Variants in NRXN3 observed in about 807,000 individuals in gnomAD.
NRXN3 encodes the protein neurexin 3.
NRXN3 carries 32 observed loss-of-function variants against 137.6 expected under a neutral mutation model. The ratio of observed to expected loss-of-function variants is 0.23; its 90% CI spans 0.18 to 0.31. The LOEUF (loss-of-function observed/expected upper bound fraction) is 0.31. NRXN3 is among the 10% of genes least tolerant of loss of function. The pLI is 1.00. For missense variants in NRXN3, 1,574 were observed against 2,062.5 expected (o/e 0.76, Z 4.59); for synonymous variants, 798 against 784.5 (o/e 1.02, Z -0.29).
chr14:78,312,791 T>C (rs17107322), intron 4 of NRXN3, among the ~76,000 whole-genome samples: 5 of 152,186 alleles, frequency 3.3e-5, no homozygotes, highest in African/African-American at 9.7e-5. Flanking sequence ...CAGACTGTTT[T>C]GATCACGAGG....
intron 19 of NRXN3, among the ~76,000 whole-genome samples, chr14:79,720,281 A>C (rs543975116): frequency 2.0e-4 from 31 of 152,180 alleles, no homozygotes; most frequent in African/African-American, 7.5e-4. Flanking sequence ...AATATGGGGG[A>C]AACTGTCCCC....
At chr14:78,633,695 G>T (rs1381395180) in intron 4 of NRXN3, among the ~76,000 whole-genome samples, 1 of 152,154 alleles carries the variant, frequency 6.6e-6, no homozygotes, top group Non-Finnish European at 1.5e-5. Flanking sequence ...TTGCACCTCC[G>T]CATTGGCAAA....
intron 15 of NRXN3, among the ~76,000 whole-genome samples, chr14:79,420,555 T>G (rs971183114): frequency 3.3e-5 from 5 of 152,092 alleles, no homozygotes; most frequent in Admixed American, 6.6e-5. Context: ...ACACCATGGT[T>G]GCTAGTAAGG....
At chr14:78,838,043 A>T (rs1441281063) in intron 10 of NRXN3, among the ~76,000 whole-genome samples, 2 of 152,156 alleles carry the variant, frequency 1.3e-5, no homozygotes, top group African/African-American at 4.8e-5. Flanking sequence ...TTGTTATTAG[A>T]TTATCAGCTA....
In NRXN3 at chr14:78,966,341, A is replaced by G; in HGVS notation, c.2712A>G (p.Pro904=). 1 of 1,614,236 alleles carries G rather than the reference A, an allele frequency of 6.2e-7. No homozygotes were observed. Among genetic ancestry groups the G allele is most frequent in the African/African-American group, 1.3e-5 (1 of 75,056 alleles). The change falls in exon 12 of 21, where the codon CCA becomes CCG. Residue 904 remains proline (P), a synonymous_variant. Coordinates refer to ENST00000335750, the MANE Select transcript of NRXN3 (RefSeq NM_001330195.2). ...HLFFQFKTTS[P]DGFILFNSGD... The stretch of plus-strand genomic sequence containing the variant: ...TCTTCCAGTTCAAGACCACCTCACC[A>G]GATGGCTTCATTCTCTTCAATAGTG...
At chr14:79,473,733 C>T (rs192018273) in intron 16 of NRXN3, among the ~76,000 whole-genome samples, 24 of 147,530 alleles carry the variant, frequency 1.6e-4, no homozygotes, top group Non-Finnish European at 3.3e-4. Flanking sequence ...CTCCGTATTT[C>T]CTTCCATCGC....
chr14:79,232,570 C>T (rs535938087), intron 15 of NRXN3, among the ~76,000 whole-genome samples: 14 of 152,222 alleles, frequency 9.2e-5, no homozygotes, highest in East Asian at 1.9e-4. Context: ...TCCTACAATT[C>T]GGTTACAGGT....
intron 10 of NRXN3, among the ~76,000 whole-genome samples, chr14:78,857,679 G>A (rs2099061296): frequency 6.6e-6 from 1 of 152,084 alleles, no homozygotes; most frequent in South Asian, 2.1e-4. Flanking sequence ...CTGGGGGAAG[G>A]CAGTCAGATG....
At chr14:78,396,491 T>G (rs1357596287) in intron 4 of NRXN3, among the ~76,000 whole-genome samples, 1 of 152,226 alleles carries the variant, frequency 6.6e-6, no homozygotes, top group East Asian at 1.9e-4. Flanking sequence ...GGAAATTTTG[T>G]TAGCCATTAT....
chr14:78,899,747 TAAAAA>T (rs569442164), intron 10 of NRXN3, among the ~76,000 whole-genome samples: 4 of 152,026 alleles, frequency 2.6e-5, no homozygotes, highest in African/African-American at 9.6e-5. Context: ...TTTGTGAACT[TAAAAA>T]AAATCTCTTA....
At chr14:79,532,181 C>T (rs917956558) in intron 16 of NRXN3, among the ~76,000 whole-genome samples, 1 of 152,244 alleles carries the variant, frequency 6.6e-6, no homozygotes. Context: ...CCCACATTAG[C>T]ATTTATAGCA....
At position 79,032,983 on chromosome 14, in the gene NRXN3, A is replaced by T. The variant is rs115085069; in HGVS notation, c.3262+44842A>T. 6.4e-3 allele frequency among the ~76,000 whole-genome samples: 967 copies of T among 152,242 alleles called. 10 individuals carry two copies. Among genetic ancestry groups the T allele is most frequent in the African/African-American group, 0.022 (917 of 41,556 alleles). The stretch of plus-strand genomic sequence containing the variant: ...TGTAGAGAAATGGCACCTTCAATTA[A>T]TGTTAACTGTTACTATTGTTGCCAC... On this transcript the variant is annotated intron_variant, in intron 15 of 20. Coordinates refer to ENST00000335750, the MANE Select transcript of NRXN3 (RefSeq NM_001330195.2).
At chr14:79,270,852 C>T (rs549492588) in intron 15 of NRXN3, among the ~76,000 whole-genome samples, 2 of 152,294 alleles carry the variant, frequency 1.3e-5, no homozygotes, top group African/African-American at 4.8e-5. Context: ...TATCCCCCAC[C>T]TCACCTCGTC....
chr14:79,573,015 GT>G (rs988677328), intron 16 of NRXN3: 4 of 152,334 alleles, frequency 2.6e-5, no homozygotes, highest in African/African-American at 7.2e-5. Context: ...GTAAGGGTGA[GT>G]TTTGGCTTTG....
intron 15 of NRXN3, among the ~76,000 whole-genome samples, chr14:79,030,348 G>A (rs1042464255): frequency 6.6e-6 from 1 of 151,924 alleles, no homozygotes; most frequent in African/African-American, 2.4e-5. Context: ...ATAGACTGTT[G>A]TTAAACCATT....
chr14:78,640,099 C>T (rs948504840), intron 4 of NRXN3, among the ~76,000 whole-genome samples: 3 of 152,120 alleles, frequency 2.0e-5, no homozygotes, highest in Non-Finnish European at 4.4e-5. Flanking sequence ...TCTTAAGTAT[C>T]CACACTTTGG....
intron 19 of NRXN3, among the ~76,000 whole-genome samples, chr14:79,706,162 T>A (rs1299068287): frequency 6.6e-6 from 1 of 152,176 alleles, no homozygotes; most frequent in African/African-American, 2.4e-5. Context: ...GTCCCAGAGA[T>A]ATCTCCTTGT....
intron 16 of NRXN3, among the ~76,000 whole-genome samples, chr14:79,535,117 T>C (rs2097200177): frequency 6.6e-5 from 10 of 152,198 alleles, no homozygotes; most frequent in Admixed American, 3.9e-4. Context: ...GAGTGCCCCT[T>C]AAATTACGTT....
chr14:78,757,210 C>A (rs1287310686), intron 8 of NRXN3, among the ~76,000 whole-genome samples: 3 of 152,024 alleles, frequency 2.0e-5, no homozygotes, highest in Non-Finnish European at 4.4e-5. Context: ...GAACTAGAGA[C>A]CAGCCTAGGT....
Sources: allele counts gnomAD v4.1 joint callset (sites outside exome capture counted in the v4.1 genomes callset), GRCh38; gene constraint gnomAD v4.1.1; transcripts MANE v1.5; gene names NCBI Gene and HGNC (gene_info 2026-07-23, HGNC 2026-07-21).